Variants in TMTC1 observed in about 807,000 individuals in gnomAD.
TMTC1 encodes protein O-mannosyl-transferase TMTC1.
In TMTC1, 73 loss-of-function variants were observed where a neutral mutation model predicts 104.8. The observed-to-expected ratio is 0.70, with a 90% confidence interval of 0.58 to 0.85. The LOEUF (loss-of-function observed/expected upper bound fraction) is 0.85, where lower values mean the gene tolerates loss of function less well. TMTC1 is among the 40% of genes least tolerant of loss of function. The pLI, the probability that TMTC1 is intolerant of heterozygous loss-of-function variation, is 0.00. For synonymous variants in TMTC1, 434 were observed against 428.7 expected (o/e 1.01, Z -0.15); for missense variants, 1,035 against 1,096.1 (o/e 0.94, Z 0.79).
chr12:29,635,505 T>C (rs1274906785), intron 5 of TMTC1, among the ~76,000 whole-genome samples: 1 of 152,248 alleles, frequency 6.6e-6, no homozygotes, highest in Non-Finnish European at 1.5e-5. Context: ...TGATCATCAA[T>C]GACTGCTTAA....
At chr12:29,615,409 C>T (rs1946951018) in intron 6 of TMTC1, among the ~76,000 whole-genome samples, 1 of 152,166 alleles carries the variant, frequency 6.6e-6, no homozygotes, top group Admixed American at 6.6e-5. Flanking sequence ...CCCTCGAGTG[C>T]CTTCTTTTAA....
chr12:29,575,426 A>G (rs1945794589), intron 8 of TMTC1, among the ~76,000 whole-genome samples: 1 of 152,028 alleles, frequency 6.6e-6, no homozygotes, highest in African/African-American at 2.4e-5. Flanking sequence ...ACAATGTGTT[A>G]AAGCCGTTGG....
chr12:29,711,462 C>A (rs1941924621), intron 5 of TMTC1, among the ~76,000 whole-genome samples: 1 of 152,128 alleles, frequency 6.6e-6, no homozygotes, highest in African/African-American at 2.4e-5. Context: ...TGTACATTAT[C>A]CTCCATGTGC....
At chr12:29,734,703 T>C (rs1942627847) in intron 5 of TMTC1, among the ~76,000 whole-genome samples, 1 of 152,250 alleles carries the variant, frequency 6.6e-6, no homozygotes, top group African/African-American at 2.4e-5. Flanking sequence ...TCATTTAAAA[T>C]AATAACTTAA....
At chr12:29,659,438 G>A (rs542468078) in intron 5 of TMTC1, among the ~76,000 whole-genome samples, 83 of 152,104 alleles carry the variant, frequency 5.5e-4, no homozygotes, top group African/African-American at 1.9e-3. Flanking sequence ...TGGCACCTCC[G>A]CTCTCTCTCT....
chr12:29,653,198 A>G (rs958920065), intron 5 of TMTC1, among the ~76,000 whole-genome samples: 1 of 152,186 alleles, frequency 6.6e-6, no homozygotes, highest in Non-Finnish European at 1.5e-5. Flanking sequence ...CAAGCCAGCT[A>G]GAAATATCAT....
intron 7 of TMTC1, among the ~76,000 whole-genome samples, chr12:29,596,023 T>C (rs1379862805): frequency 1.3e-5 from 2 of 152,174 alleles, no homozygotes; most frequent in Admixed American, 6.5e-5. Flanking sequence ...TTTTTTTTTT[T>C]TGAGACGGAG....
intron 7 of TMTC1, 103 bp from the exon 8 acceptor site, chr12:29,583,677 GCT>G: frequency 1.8e-6 from 2 of 1,102,470 alleles, no homozygotes; most frequent in Non-Finnish European, 2.5e-6. Flanking sequence ...CTTGTCCTGT[GCT>G]AGAGAAACAA....
intron 7 of TMTC1, among the ~76,000 whole-genome samples, chr12:29,601,922 G>T (rs1024751118): frequency 1.4e-4 from 20 of 138,666 alleles, no homozygotes; most frequent in Non-Finnish European, 2.0e-4. Context: ...TGCAAGTTCC[G>T]CCTCCCGGGT....
intron 5 of TMTC1, among the ~76,000 whole-genome samples, chr12:29,676,981 C>T (rs570719712): frequency 1.3e-5 from 2 of 152,288 alleles, no homozygotes; most frequent in South Asian, 2.1e-4. Context: ...ACATCAGGCC[C>T]TCCAGAGGAG....
intron 1 of TMTC1, among the ~76,000 whole-genome samples, chr12:29,772,237 C>T (rs1281165368): frequency 2.6e-5 from 4 of 152,154 alleles, no homozygotes; most frequent in East Asian, 1.9e-4. Flanking sequence ...TGGGCCTACA[C>T]GGCTGCATGG....
chr12:29,677,147 A>G (rs1369405703), intron 5 of TMTC1, among the ~76,000 whole-genome samples: 1 of 152,156 alleles, frequency 6.6e-6, no homozygotes, highest in Admixed American at 6.5e-5. Flanking sequence ...CTGGCCTCTA[A>G]TTTTGCTGTT....
chr12:29,679,853 T>C (rs1056922267), intron 5 of TMTC1, among the ~76,000 whole-genome samples: 2 of 152,104 alleles, frequency 1.3e-5, no homozygotes, highest in Non-Finnish European at 2.9e-5. Flanking sequence ...GAAGCAGTGT[T>C]TACATTATTA....
intron 8 of TMTC1, among the ~76,000 whole-genome samples, chr12:29,582,681 A>G (rs1022586072): frequency 6.6e-6 from 1 of 152,068 alleles, no homozygotes; most frequent in African/African-American, 2.4e-5. Flanking sequence ...GCTCTGCTTC[A>G]ATTGTTTGCC....
intron 11 of TMTC1, 57 bp downstream of exon 11, chr12:29,536,152 C>T: frequency 8.9e-7 from 1 of 1,128,872 alleles, no homozygotes; most frequent in South Asian, 1.3e-5. Context: ...ATCTGTGTAA[C>T]ATTAATTTAT....
chr12:29,781,463 T>C (rs1478526156), intron 1 of TMTC1, among the ~76,000 whole-genome samples: 1 of 152,206 alleles, frequency 6.6e-6, no homozygotes, highest in Non-Finnish European at 1.5e-5. Flanking sequence ...TCTTAATCAA[T>C]GGTCTTACTT....
intron 8 of TMTC1, among the ~76,000 whole-genome samples, chr12:29,579,453 C>A (rs977319750): frequency 6.6e-6 from 1 of 152,130 alleles, no homozygotes; most frequent in Non-Finnish European, 1.5e-5. Context: ...TCTGCCTCAG[C>A]AATTCAGAGA....
chr12:29,616,475 C>G (rs1053725285), intron 6 of TMTC1, among the ~76,000 whole-genome samples: 3 of 151,998 alleles, frequency 2.0e-5, no homozygotes, highest in African/African-American at 4.8e-5. Flanking sequence ...AGTTCAAGGC[C>G]TGACCAACAT....
intron 5 of TMTC1, among the ~76,000 whole-genome samples, chr12:29,634,099 T>C (rs190341478): frequency 2.0e-5 from 3 of 152,300 alleles, no homozygotes; most frequent in African/African-American, 7.2e-5. Flanking sequence ...TAAGGCTGTG[T>C]CCCTGGGATG....
Sources: allele counts gnomAD v4.1 joint callset (sites outside exome capture counted in the v4.1 genomes callset), GRCh38; gene constraint gnomAD v4.1.1; transcripts MANE v1.5; gene names NCBI Gene and HGNC (gene_info 2026-07-23, HGNC 2026-07-21).